Variants in ARGLU1 observed in about 807,000 individuals in gnomAD.
ARGLU1 encodes arginine and glutamate rich 1, also known as arginine and glutamate-rich protein 1.
In ARGLU1, 9 loss-of-function variants were observed where a neutral mutation model predicts 37.6. The ratio of observed to expected loss-of-function variants is 0.24; its 90% CI spans 0.14 to 0.42. The LOEUF (loss-of-function observed/expected upper bound fraction) is 0.42. ARGLU1 is among the 10% of genes least tolerant of loss of function. ARGLU1 has a pLI of 1.00. For synonymous variants in ARGLU1, 166 were observed against 138.5 expected, an observed-to-expected ratio of 1.20 and a Z score of -1.39; for missense variants, 211 against 359.2, an observed-to-expected ratio of 0.59 and a Z score of 3.34.
intron 3 of ARGLU1, among the ~76,000 whole-genome samples, chr13:106,550,151 C>G (rs969737999): frequency 6.6e-6 from 1 of 152,136 alleles, no homozygotes; most frequent in Non-Finnish European, 1.5e-5. Flanking sequence ...TTTCTGGTTC[C>G]TACAACAGAC....
chr13:106,560,231 C>T (rs1412768396), intron 1 of ARGLU1, among the ~76,000 whole-genome samples: 4 of 152,172 alleles, frequency 2.6e-5, no homozygotes, highest in African/African-American at 9.7e-5. Flanking sequence ...TAGTTCCTTA[C>T]TATGTCTTTT....
intron 1 of ARGLU1, among the ~76,000 whole-genome samples, chr13:106,561,540 C>T (rs1002835504): frequency 1.3e-5 from 2 of 151,228 alleles, no homozygotes; most frequent in Non-Finnish European, 1.5e-5. Context: ...ATTTCAAAAC[C>T]GGTACAATGT....
intron 3 of ARGLU1, among the ~76,000 whole-genome samples, chr13:106,548,318 C>T (rs1178016223): frequency 3.3e-5 from 5 of 152,102 alleles, no homozygotes; most frequent in African/African-American, 4.8e-5. Context: ...AGGTATTTTC[C>T]TAAATCCTAC....
chr13:106,567,695 G>C lies in ARGLU1; in HGVS notation c.225C>G (p.Ala75=). The C allele has an allele frequency of 6.2e-7, 1 of 1,613,006 alleles. No individual in the cohort carries two copies. The highest frequency in any genetic ancestry group is 8.5e-7 in the Non-Finnish European group (1 of 1,179,476). Residue 75 remains alanine (A), a synonymous_variant, in exon 1 of 4, where the codon GCC becomes GCG. Coordinates refer to ENST00000400198, the MANE Select transcript of ARGLU1 (RefSeq NM_018011.4). The surrounding 1 kb of genome is among the most constrained non-coding windows in gnomAD (Gnocchi z 4.3). ...TGTCGATGCGGTCGGGCGGGGACGAGGCGCGCTCCCGGTCCCGCTCGCGCC... is the reference window on the plus strand; with the variant it reads ...TGTCGATGCGGTCGGGCGGGGACGACGCGCGCTCCCGGTCCCGCTCGCGCC... ...VSRRERDRER[A]SSPPDRIDIF...
intron 3 of ARGLU1, 87 bp downstream of exon 3, chr13:106,556,961 T>C: frequency 8.4e-7 from 1 of 1,190,554 alleles, no homozygotes; most frequent in Admixed American, 1.7e-5. Flanking sequence ...TAAGTCAAAT[T>C]ATAGGGCACA....
intron 3 of ARGLU1, among the ~76,000 whole-genome samples, chr13:106,553,016 C>A (rs769750665): frequency 2.4e-4 from 37 of 151,990 alleles, no homozygotes; most frequent in Non-Finnish European, 4.9e-4. Flanking sequence ...TTAGTCATTA[C>A]GGGATTCAAT....
chr13:106,558,614 C>G, intron 2 of ARGLU1: 3 of 985,406 alleles, frequency 3.0e-6, no homozygotes, highest in Non-Finnish European at 3.6e-6. Flanking sequence ...CTGGAGTAAT[C>G]AGTGCAAACA....
At chr13:106,545,004 C>T (rs146280990) in intron 3 of ARGLU1, among the ~76,000 whole-genome samples, 156 of 152,288 alleles carry the variant, frequency 1.0e-3, no homozygotes, top group African/African-American at 3.7e-3. Flanking sequence ...AAAGTCAGGC[C>T]CTTCTCATGC....
intron 2 of ARGLU1, chr13:106,558,772 G>C (rs1040869620): frequency 2.0e-6 from 2 of 985,182 alleles, no homozygotes; most frequent in African/African-American, 3.5e-5. Context: ...AAAAAAAGGA[G>C]TTGTTAGTAG....
At chr13:106,563,634 T>C (rs1293609976) in intron 1 of ARGLU1, among the ~76,000 whole-genome samples, 3 of 152,190 alleles carry the variant, frequency 2.0e-5, no homozygotes, top group Admixed American at 6.5e-5. Flanking sequence ...TGACTCTGTC[T>C]CTACAAAAAT....
Position 106,557,232 on chromosome 13 carries a change from A to T in ARGLU1, c.574-101T>A. On this transcript the variant is annotated intron_variant, in intron 2 of 3. Coordinates refer to ENST00000400198, the MANE Select transcript of ARGLU1 (RefSeq NM_018011.4). The surrounding 1 kb of genome is among the most constrained non-coding windows in gnomAD (Gnocchi z 5.0). Reference sequence around the variant, plus strand: ...TCTGAACTTTTTTGATATGACTTACAGGGTAGCTTTATAGCTACCTTCTGT... The same window carrying T: ...TCTGAACTTTTTTGATATGACTTACTGGGTAGCTTTATAGCTACCTTCTGT... 1 of 1,050,648 alleles carries T rather than the reference A, an allele frequency of 9.5e-7. No individual in the cohort carries two copies. The highest frequency in any genetic ancestry group is 1.4e-6 in the Non-Finnish European group (1 of 708,360). The allele number at this position is 1,050,648 out of a possible 1,614,324, so 65.1% of individuals were successfully genotyped here. A position where few individuals can be genotyped will look rare whatever the true frequency, so the allele number is the denominator to read the frequency against.
chr13:106,568,073 G>A lies in ARGLU1; in HGVS notation c.-154C>T. 2 of 1,242,854 alleles carry A rather than the reference G, an allele frequency of 1.6e-6. No homozygotes were observed. Among genetic ancestry groups the A allele is most frequent in the Non-Finnish European group, 2.1e-6 (2 of 946,952 alleles). The allele number at this position is 1,242,854 out of a possible 1,614,324, so 77.0% of individuals were successfully genotyped here. ...TTTATGCCTTTTCCCGGCGTCTACAGCTGCCACGAAGGCCGCCTCCAACGA... is the reference window on the plus strand; with the variant it reads ...TTTATGCCTTTTCCCGGCGTCTACAACTGCCACGAAGGCCGCCTCCAACGA... On this transcript the variant is annotated 5_prime_UTR_variant, in exon 1 of 4. Coordinates refer to ENST00000400198, the MANE Select transcript of ARGLU1 (RefSeq NM_018011.4).
Position 106,567,953 on chromosome 13 carries a change from G to C in ARGLU1, c.-34C>G. 6.4e-7 allele frequency: 1 copy of C among 1,563,094 alleles called. No individual in the cohort carries two copies. Among genetic ancestry groups the C allele is most frequent in the Non-Finnish European group, 8.6e-7 (1 of 1,166,574 alleles). ...GAGACGCTCTAACCGCTCGCCTCAGGCCCCTCACGCGGCCAGTTCCCCTCG... is the reference window on the plus strand; with the variant it reads ...GAGACGCTCTAACCGCTCGCCTCAGCCCCCTCACGCGGCCAGTTCCCCTCG... On this transcript the variant is annotated 5_prime_UTR_variant, in exon 1 of 4. Transcript: ENST00000400198. This position sits in a 1 kb window ranked among gnomAD's most constrained non-coding sequence, Gnocchi z 4.3.
chr13:106,558,900 G>A (rs2138972743), intron 2 of ARGLU1: 1 of 985,428 alleles, frequency 1.0e-6, no homozygotes, highest in South Asian at 4.7e-5. Flanking sequence ...TTGTGCTGAA[G>A]CAGGGTTTAG....
intron 3 of ARGLU1, among the ~76,000 whole-genome samples, chr13:106,547,979 G>GT (rs1365223510): frequency 6.6e-6 from 1 of 152,196 alleles, no homozygotes; most frequent in African/African-American, 2.4e-5. Flanking sequence ...GCAAAAGTGT[G>GT]TTGTGTATGT....
intron 2 of ARGLU1, chr13:106,559,089 T>C: frequency 8.1e-7 from 1 of 1,231,244 alleles, no homozygotes; most frequent in African/African-American, 1.6e-5. Context: ...CAGGTGGATT[T>C]TTAACCTTTT....
chr13:106,564,356 T>C (rs1161366915), intron 1 of ARGLU1, among the ~76,000 whole-genome samples: 1 of 152,194 alleles, frequency 6.6e-6, no homozygotes, highest in Admixed American at 6.5e-5. Flanking sequence ...GCAAGACAGA[T>C]TATCTCCATT....
chr13:106,566,595 C>T (rs1364493898), intron 1 of ARGLU1, among the ~76,000 whole-genome samples: 1 of 152,194 alleles, frequency 6.6e-6, no homozygotes, highest in Non-Finnish European at 1.5e-5. Flanking sequence ...TAAAGCAAAA[C>T]ACACAACAAA....
intron 3 of ARGLU1, among the ~76,000 whole-genome samples, chr13:106,551,856 T>A (rs566389161): frequency 2.0e-5 from 3 of 152,226 alleles, no homozygotes; most frequent in Non-Finnish European, 4.4e-5. Flanking sequence ...CTGTGCTATA[T>A]GCTAAAATTT....
Sources: gnomAD v4.1 joint callset for allele counts (sites outside exome capture counted in the v4.1 genomes callset) on GRCh38, gnomAD v4.1.1 for gene constraint, Gnocchi (gnomAD v3.1) non-coding constraint, MANE v1.5 for transcripts, NCBI Gene and HGNC (gene_info 2026-07-23, HGNC 2026-07-21) for gene names.